CPT1A: variants seen among roughly 807,000 people sequenced by gnomAD.
The protein encoded by CPT1A is carnitine O-palmitoyltransferase 1, liver isoform.
A neutral mutation model predicts 100.8 loss-of-function variants in CPT1A; 64 were observed. The observed-to-expected ratio is 0.63, with a 90% CI of 0.52 to 0.78. The LOEUF (loss-of-function observed/expected upper bound fraction) is 0.78. CPT1A is among the 30% of genes least tolerant of loss of function. The probability of loss-of-function intolerance (pLI) is 0.00; values close to 1 mark genes in which losing one functional copy is unlikely to be tolerated. For missense variants in CPT1A, 802 were observed against 1,034.1 expected (o/e 0.78, Z 3.08); for synonymous variants, 363 against 396.0 (o/e 0.92, Z 0.99).
chr11:68,812,363 A>C, intron 3 of CPT1A, 74 bp downstream of exon 3: 1 of 1,569,482 alleles, frequency 6.4e-7, no homozygotes, highest in East Asian at 2.2e-5. Context: ...CAATCATCAC[A>C]TTTGAAGAGA....
At chr11:68,832,112 C>T (rs1856896057) in intron 1 of CPT1A, among the ~76,000 whole-genome samples, 1 of 152,186 alleles carries the variant, frequency 6.6e-6, no homozygotes, top group Non-Finnish European at 1.5e-5. Context: ...TGTCAAGAAA[C>T]TTGCCCAGTG....
At chr11:68,800,154 C>T (rs912679581) in intron 5 of CPT1A, among the ~76,000 whole-genome samples, 1 of 152,056 alleles carries the variant, frequency 6.6e-6, no homozygotes, top group Non-Finnish European at 1.5e-5. Context: ...AGGATGGGAA[C>T]GAGGGGCTGG....
chr11:68,771,420 A>G (rs976164567), intron 14 of CPT1A, among the ~76,000 whole-genome samples: 1 of 152,208 alleles, frequency 6.6e-6, no homozygotes, highest in African/African-American at 2.4e-5. Flanking sequence ...ATGCCCTCAT[A>G]CTGCACGTTT....
intron 4 of CPT1A, among the ~76,000 whole-genome samples, chr11:68,806,018 ATTT>A (rs539379303): frequency 5.7e-5 from 8 of 139,164 alleles, no homozygotes; most frequent in Admixed American, 7.2e-5. Context: ...AAGCCCATAA[ATTT>A]TTTTTTTTTT....
At chr11:68,820,452 G>A (rs553756548) in intron 1 of CPT1A, among the ~76,000 whole-genome samples, 2 of 152,122 alleles carry the variant, frequency 1.3e-5, no homozygotes, top group East Asian at 3.9e-4. Flanking sequence ...GGAGGCCCAG[G>A]TGGGTGGATC....
At chr11:68,801,785 A>C (rs1201997643) in intron 5 of CPT1A, among the ~76,000 whole-genome samples, 5 of 151,662 alleles carry the variant, frequency 3.3e-5, no homozygotes, top group Non-Finnish European at 7.3e-5. Flanking sequence ...TAAAGCACCC[A>C]TGCACTGCTG....
At chr11:68,790,983 C>A (rs1855598433) in intron 9 of CPT1A, among the ~76,000 whole-genome samples, 1 of 152,076 alleles carries the variant, frequency 6.6e-6, no homozygotes, top group Non-Finnish European at 1.5e-5. Context: ...ACCACCACAC[C>A]TGGCTAATTT....
intron 5 of CPT1A, 50 bp downstream of exon 5, chr11:68,803,950 T>TTAATCCACAGA (rs1855976597): frequency 7.0e-7 from 1 of 1,430,300 alleles, no homozygotes. Flanking sequence ...GACCTAAGCC[T>TTAATCCACAGA]TAATCCACAG....
chr11:68,786,218 T>C (rs545630367), intron 9 of CPT1A, among the ~76,000 whole-genome samples: 228 of 152,178 alleles, frequency 1.5e-3, no homozygotes, highest in Non-Finnish European at 2.5e-3. Context: ...AAAAATTAGC[T>C]GGGTGTGGTG....
chr11:68,807,618 G>C lies in CPT1A; in HGVS notation c.302C>G (p.Thr101Arg). Residue 101 changes from threonine to arginine, a missense_variant, in exon 4 of 19, where the codon ACG becomes AGG. Thr to Arg is a moderately conservative substitution (Grantham distance 71). Around this residue, in one of 4 missense-constraint regions of CPT1A, gnomAD observed 161 missense variants for 183.7 expected, o/e 0.88. Coordinates refer to ENST00000265641, the MANE Select transcript of CPT1A (RefSeq NM_001876.4). ...LETANCMSSQ[T>R]KNVVSGVLFG... is the part of the protein sequence containing the mutation. ...CAGCACGCCGCTGACCACGTTCTTC[G>C]TCTGGCTGGACATGCAGTTGCTGTG... 1 of 1,614,054 alleles carries C rather than the reference G, an allele frequency of 6.2e-7. No homozygotes were observed. Among genetic ancestry groups the C allele is most frequent in the Non-Finnish European group, 8.5e-7 (1 of 1,180,032 alleles).
chr11:68,820,487 A>C lies in CPT1A; in HGVS notation c.-13-5000T>G, dbSNP rs572094416. Among the ~76,000 whole-genome samples, 4 of 152,092 alleles carry C rather than the reference A, an allele frequency of 2.6e-5. No individual in the cohort carries two copies. The South Asian group carries it at 8.3e-4, about 32-fold the overall frequency. On this transcript the variant is annotated intron_variant, in intron 1 of 18. Transcript: ENST00000265641. Reference sequence around the variant, plus strand: ...CACTTGAGGTCAGGGGTTCGAGACCAGCCTGGCCAACATGGCGAAACCCTG... The same window carrying C: ...CACTTGAGGTCAGGGGTTCGAGACCCGCCTGGCCAACATGGCGAAACCCTG...
chr11:68,766,537 G>A (rs907844727), intron 14 of CPT1A, among the ~76,000 whole-genome samples: 2 of 151,902 alleles, frequency 1.3e-5, no homozygotes, highest in African/African-American at 2.4e-5. Flanking sequence ...CCATGCCGGA[G>A]TGCAGTGGTG....
At chr11:68,809,234 G>C (rs1205548265) in intron 3 of CPT1A, among the ~76,000 whole-genome samples, 1 of 151,976 alleles carries the variant, frequency 6.6e-6, no homozygotes, top group Non-Finnish European at 1.5e-5. Flanking sequence ...TGGGTTTAGG[G>C]ATTTAAGAAG....
chr11:68,836,551 T>C (rs1456969749), intron 1 of CPT1A, among the ~76,000 whole-genome samples: 1 of 151,996 alleles, frequency 6.6e-6, no homozygotes, highest in African/African-American at 2.4e-5. Context: ...GTCAGGCAGA[T>C]CACCTGAGGT....
chr11:68,757,640 G>A lies in CPT1A; in HGVS notation c.*4C>T, dbSNP rs1254173288. On this transcript the variant is annotated 3_prime_UTR_variant, in exon 19 of 19. Coordinates refer to ENST00000265641, the MANE Select transcript of CPT1A (RefSeq NM_001876.4). ...CGTTTTCCTTCCCAGCAGCTCCAGT[G>A]GAATTACTTTTTGGAATTAGAACTG... is the stretch of plus-strand genomic sequence containing the variant. The A allele has an allele frequency of 1.2e-6, 2 of 1,614,046 alleles. No individual in the cohort carries two copies. The highest frequency in any genetic ancestry group is 3.3e-5 in the Admixed American group (2 of 60,024).
intron 10 of CPT1A, 140 bp downstream of exon 10, chr11:68,784,675 C>T (rs752005159): frequency 3.8e-5 from 30 of 799,642 alleles, no homozygotes; most frequent in Admixed American, 7.4e-5. Context: ...CCTGCCAAGC[C>T]GGGAGACCCC....
intron 10 of CPT1A, among the ~76,000 whole-genome samples, chr11:68,782,347 G>A (rs560359637): frequency 3.5e-4 from 54 of 152,288 alleles, no homozygotes; most frequent in African/African-American, 1.2e-3. Flanking sequence ...CAGTAAGTGC[G>A]TAAGAGTGCG....
At position 68,762,760 on chromosome 11, in the gene CPT1A, TC is replaced by T; in HGVS notation, c.1741del (p.Asp581ThrfsTer13). The T allele has an allele frequency of 6.2e-7, 1 of 1,614,102 alleles. No homozygotes were observed. Among genetic ancestry groups the T allele is most frequent in the Non-Finnish European group, 8.5e-7 (1 of 1,180,040 alleles). ...QLALQLAHYK[D>X]MGKFCLTYEA... ...GTATGTGAGGCAAAACTTGCCCATG[TC>T]CTGGGGAAAGAGAAGTACTTCAGTG... On this transcript the variant is annotated frameshift_variant and splice_region_variant, in exon 15 of 19. Transcript: ENST00000265641. LOFTEE classifies it high-confidence loss of function.
intron 18 of CPT1A, among the ~76,000 whole-genome samples, chr11:68,758,903 C>A (rs1185503450): frequency 6.6e-6 from 1 of 151,850 alleles, no homozygotes. Context: ...TAGGTGTGAG[C>A]CACCGTGCCT....
Sources: gnomAD v4.1 joint callset for allele counts (sites outside exome capture counted in the v4.1 genomes callset) on GRCh38, gnomAD v4.1.1 for gene constraint, gnomAD v4.1.1 regional missense constraint, MANE v1.5 for transcripts, NCBI Gene and HGNC (gene_info 2026-07-23, HGNC 2026-07-21) for gene names.